The following GSN variants were observed in gnomAD, a reference collection of about 807,000 sequenced individuals.
GSN encodes gelsolin.
A neutral mutation model predicts 85.7 loss-of-function variants in GSN; 56 were observed. The observed-to-expected ratio is 0.65, with a 90% CI of 0.53 to 0.82. The LOEUF is 0.82. Among genes scored for constraint, GSN ranks in the 40% least tolerant of loss-of-function variants. GSN has a pLI of 0.00. For synonymous variants in GSN, 373 were observed against 399.1 expected (o/e 0.93, Z 0.78); for missense variants, 857 against 979.8 (o/e 0.87, Z 1.67).
intron 2 of GSN, chr9:121,286,809 T>C: frequency 6.9e-7 from 1 of 1,459,768 alleles, no homozygotes; most frequent in Non-Finnish European, 9.3e-7. Flanking sequence ...GACTTCGGAC[T>C]TCAGAGTCAG....
intron 5 of GSN, among the ~76,000 whole-genome samples, chr9:121,242,496 G>A (rs567507627): frequency 6.6e-6 from 1 of 152,228 alleles, no homozygotes; most frequent in African/African-American, 2.4e-5. Context: ...GGCTAGACAG[G>A]GGAAAGCCAT....
At chr9:121,286,589 T>C in intron 2 of GSN, 1 of 1,487,634 alleles carries the variant, frequency 6.7e-7, no homozygotes, top group Non-Finnish European at 8.9e-7. Context: ...TGCTCCCTCC[T>C]TTGTGCTCCC....
chr9:121,312,152 C>T, intron 5 of GSN, 187 bp from the exon 6 acceptor site: 3 of 616,864 alleles, frequency 4.9e-6, no homozygotes, highest in Non-Finnish European at 8.7e-6. Flanking sequence ...GCTCCCATCT[C>T]CTGGTGTGTG....
chr9:121,229,900 T>G (rs2054353791), intron 4 of GSN, among the ~76,000 whole-genome samples: 2 of 152,122 alleles, frequency 1.3e-5, no homozygotes, highest in Non-Finnish European at 2.9e-5. Context: ...TTTTTCTAAT[T>G]TCATCTACAC....
At chr9:121,228,121 T>G (rs1247755117) in intron 4 of GSN, among the ~76,000 whole-genome samples, 1 of 151,864 alleles carries the variant, frequency 6.6e-6, no homozygotes. Flanking sequence ...CACTTTCCCA[T>G]CTCTGATATT....
In GSN at chr9:121,298,101, G is replaced by GC. The variant is rs1376904903; in HGVS notation, c.-9-3856dup. ...CGGAGAACTCAGGTATCCCTCTGGG[G>GC]CCCCCCACAGACACCGAGACAAAGT... On this transcript the variant is annotated intron_variant, in intron 2 of 17. Transcript: ENST00000432226. 2.6e-5 allele frequency among the ~76,000 whole-genome samples: 4 copies of GC among 151,908 alleles called. No individual in the cohort carries two copies. The East Asian group carries it at 5.8e-4, about 22-fold the overall frequency.
chr9:121,281,308 C>T (rs1331959455), intron 1 of GSN, 162 bp from the exon 2 acceptor site: 9 of 284,872 alleles, frequency 3.2e-5, no homozygotes, highest in Non-Finnish European at 5.5e-5. Flanking sequence ...GCAGGTCTTG[C>T]AGCCTTGGCA....
Position 121,299,821 on chromosome 9 carries a change from G to T in GSN, c.-9-2142G>T. On this transcript the variant is annotated intron_variant, in intron 2 of 17. Coordinates refer to ENST00000432226, the MANE Select transcript of GSN (RefSeq NM_198252.3). The surrounding 1 kb of genome is among the most constrained non-coding windows in gnomAD (Gnocchi z 4.2). ...CGGCTACTTAAGGTCGGCGACCCGA[G>T]GCCGCGGCTGCCGACTGGGTCCCCT... 7.6e-7 allele frequency: 1 copy of T among 1,314,720 alleles called. No individual in the cohort carries two copies. Among genetic ancestry groups the T allele is most frequent in the Middle Eastern group, 2.9e-4 (1 of 3,456 alleles). 81.4% of individuals were successfully genotyped at this position (1,314,720 alleles called of 1,614,324 possible). A position where few individuals can be genotyped will look rare whatever the true frequency, so the allele number is the denominator to read the frequency against.
At chr9:121,250,875 G>A (rs1192585926) in intron 6 of GSN, among the ~76,000 whole-genome samples, 2 of 25,788 alleles carry the variant, frequency 7.8e-5, no homozygotes, top group African/African-American at 3.0e-4. Flanking sequence ...TGCTTGGGGT[G>A]TGTGTGTGTG....
Position 121,286,047 on chromosome 9 carries a change from A to G in GSN, c.-10+4485A>G. Reference sequence around the variant, plus strand: ...GATGCCTGCGGAGTTGGCTTGGCACAGCTATTTCCAGACTAATCCTGAGTC... The same window carrying G: ...GATGCCTGCGGAGTTGGCTTGGCACGGCTATTTCCAGACTAATCCTGAGTC... On this transcript the variant is annotated intron_variant, in intron 2 of 17. Coordinates refer to ENST00000432226, the MANE Select transcript of GSN (RefSeq NM_198252.3). 7 of 1,427,978 alleles carry G rather than the reference A, an allele frequency of 4.9e-6. No individual in the cohort carries two copies. The South Asian group carries it at 7.3e-5, about 15-fold the overall frequency. 88.5% of individuals were successfully genotyped at this position (1,427,978 alleles called of 1,614,324 possible). A position where few individuals can be genotyped will look rare whatever the true frequency, so the allele number is the denominator to read the frequency against.
chr9:121,331,410 A>T lies in GSN; in HGVS notation c.1988A>T (p.Asp663Val). The T allele has an allele frequency of 6.2e-7, 1 of 1,606,334 alleles. No homozygotes were observed. Among genetic ancestry groups the T allele is most frequent in the Non-Finnish European group, 8.5e-7 (1 of 1,175,208 alleles). The change falls in exon 17 of 18, where the codon GAT becomes GTT. Residue 663 changes from aspartate to valine, a missense_variant. Physicochemically the swap from Asp to Val is radical, Grantham distance 152. Coordinates refer to ENST00000432226, the MANE Select transcript of GSN (RefSeq NM_198252.3). ...WDQVFVWVGK[D>V]SQEEEKTEAL... The stretch of plus-strand genomic sequence containing the variant: ...CAGGTCTTTGTCTGGGTTGGAAAGG[A>T]TTCTCAAGAAGAAGAAAAGACAGAA...
chr9:121,233,250 G>A (rs1346630724), intron 5 of GSN, among the ~76,000 whole-genome samples: 1 of 152,124 alleles, frequency 6.6e-6, no homozygotes, highest in East Asian at 1.9e-4. Flanking sequence ...TGGATCACAA[G>A]GTCAGGAGTT....
At chr9:121,230,933 C>T (rs1047157561) in intron 4 of GSN, among the ~76,000 whole-genome samples, 4 of 152,178 alleles carry the variant, frequency 2.6e-5, no homozygotes, top group Non-Finnish European at 4.4e-5. Context: ...TTTATTCACA[C>T]GTAAATCAGG....
chr9:121,320,645 C>G (rs1338219474), intron 10 of GSN, among the ~76,000 whole-genome samples: 1 of 114,136 alleles, frequency 8.8e-6, no homozygotes, highest in Non-Finnish European at 1.8e-5. Context: ...AACCTCGTCT[C>G]AAAAAACAAA....
chr9:121,225,784 C>T (rs780771000), intron 4 of GSN, among the ~76,000 whole-genome samples: 3 of 152,116 alleles, frequency 2.0e-5, no homozygotes, highest in Non-Finnish European at 4.4e-5. Flanking sequence ...GTAGACTGCC[C>T]AGCACACAGC....
At chr9:121,262,991 G>A (rs1204842100) in intron 6 of GSN, among the ~76,000 whole-genome samples, 3 of 152,178 alleles carry the variant, frequency 2.0e-5, no homozygotes, top group African/African-American at 7.2e-5. Flanking sequence ...GGATGATGTC[G>A]GAAAACCAAG....
chr9:121,324,446 G>C, intron 11 of GSN, 108 bp from the exon 12 acceptor site: 1 of 702,242 alleles, frequency 1.4e-6, no homozygotes. Context: ...CTCTCTATCT[G>C]TTTCATTACT....
In GSN at chr9:121,327,369, C is replaced by T. The variant is rs1003206299; in HGVS notation, c.1649C>T (p.Ala550Val). 6.2e-7 allele frequency: 1 copy of T among 1,613,742 alleles called. No individual in the cohort carries two copies. Among genetic ancestry groups the T allele is most frequent in the Non-Finnish European group, 8.5e-7 (1 of 1,179,684 alleles). Residue 550 changes from alanine (A) to valine (V), a missense_variant, in exon 14 of 18, where the codon GCC (alanine) becomes GTC (valine). Transcript: ENST00000432226. ...GCCTTTGTTCTGAAAACCCCCTCAG[C>T]CGCCTACCTGTGGGTGGGTACAGGA... is the stretch of plus-strand genomic sequence containing the variant. ...NDAFVLKTPS[A>V]AYLWVGTGAS... is the part of the protein sequence containing the mutation.
chr9:121,213,140 C>A (rs2053997965), intron 4 of GSN, among the ~76,000 whole-genome samples: 1 of 152,152 alleles, frequency 6.6e-6, no homozygotes, highest in South Asian at 2.1e-4. Context: ...CTGCTCGATA[C>A]CCGGCCTAAG....
Sources: gnomAD v4.1 joint callset for allele counts (sites outside exome capture counted in the v4.1 genomes callset) on GRCh38, gnomAD v4.1.1 for gene constraint, Gnocchi (gnomAD v3.1) non-coding constraint, MANE v1.5 for transcripts, NCBI Gene and HGNC (gene_info 2026-07-23, HGNC 2026-07-21) for gene names.